TBC1D12: variants seen among roughly 807,000 people sequenced by gnomAD.
TBC1D12 encodes TBC1 domain family member 12.
In TBC1D12, 56 loss-of-function variants were observed where a neutral mutation model predicts 86.7. That is an observed-to-expected ratio of 0.65 (90% CI 0.52 to 0.81). The LOEUF is 0.81. Among genes scored for constraint, TBC1D12 ranks in the 30% least tolerant of loss-of-function variants. TBC1D12 has a pLI of 0.00. For missense variants in TBC1D12, 1,023 were observed against 1,038.8 expected (o/e 0.98, Z 0.21); for synonymous variants, 421 against 411.7 (o/e 1.02, Z -0.27).
intron 1 of TBC1D12, among the ~76,000 whole-genome samples, chr10:94,422,092 T>G (rs1412631782): frequency 6.6e-6 from 1 of 151,824 alleles, no homozygotes; most frequent in Non-Finnish European, 1.5e-5. Flanking sequence ...ATAGGGGAAA[T>G]AAGATGTGTA....
At chr10:94,514,714 G>A (rs1356828285) in intron 9 of TBC1D12, among the ~76,000 whole-genome samples, 1 of 152,118 alleles carries the variant, frequency 6.6e-6, no homozygotes, top group Non-Finnish European at 1.5e-5. Context: ...TTTGAGTAGT[G>A]CTGTAATGAA....
At chr10:94,523,835 C>T (rs1293867175) in intron 11 of TBC1D12, among the ~76,000 whole-genome samples, 2 of 152,038 alleles carry the variant, frequency 1.3e-5, no homozygotes, top group East Asian at 3.9e-4. Context: ...CAGACATAGT[C>T]GTGCATTCCT....
At position 94,402,842 on chromosome 10, in the gene TBC1D12, G is replaced by T; in HGVS notation, c.229G>T (p.Ala77Ser). The T allele has an allele frequency of 2.6e-6, 4 of 1,536,512 alleles. No homozygotes were observed. The highest frequency in any genetic ancestry group is 3.5e-6 in the Non-Finnish European group (4 of 1,141,964). ...GCTCCTTCAGCGTTACCTCGCGGCG[G>T]CCGGGGAGCAGCTGGAGCCGGGGCT... ...RQLLQRYLAA[A>S]GEQLEPGLCY... Residue 77 changes from alanine (A) to serine (S), a missense_variant, in exon 1 of 13, where the codon GCC (alanine) becomes TCC (serine). By Grantham distance (99) the Ala-to-Ser change is moderately conservative. Coordinates refer to ENST00000225235, the MANE Select transcript of TBC1D12 (RefSeq NM_015188.2).
intron 3 of TBC1D12, among the ~76,000 whole-genome samples, chr10:94,487,701 T>C (rs2056187658): frequency 6.8e-6 from 1 of 147,690 alleles, no homozygotes; most frequent in Admixed American, 6.7e-5. Flanking sequence ...TCTCTTTTTT[T>C]TTTTTTTTTT....
At chr10:94,471,449 A>G (rs1002971954) in intron 2 of TBC1D12, among the ~76,000 whole-genome samples, 14 of 152,164 alleles carry the variant, frequency 9.2e-5, no homozygotes, top group Admixed American at 3.9e-4. Flanking sequence ...CATTTTGTTC[A>G]TGATTAAGTC....
intron 2 of TBC1D12, among the ~76,000 whole-genome samples, chr10:94,464,309 CTT>C (rs751139079): frequency 6.6e-6 from 1 of 151,560 alleles, no homozygotes; most frequent in Admixed American, 6.6e-5. Flanking sequence ...TGGTCTTTCA[CTT>C]TTTTTTTCTC....
At chr10:94,447,488 T>C (rs1207345379) in intron 2 of TBC1D12, 1 of 384,908 alleles carries the variant, frequency 2.6e-6, no homozygotes, top group Non-Finnish European at 3.6e-6. Context: ...TTTAGTGCTT[T>C]CCATGTTAAC....
chr10:94,490,681 GAA>G (rs1486623093), intron 3 of TBC1D12, among the ~76,000 whole-genome samples: 3 of 152,088 alleles, frequency 2.0e-5, no homozygotes. Context: ...CAGTTTTTTG[GAA>G]ATGGTTTGAT....
chr10:94,480,718 A>G (rs1429565928), intron 3 of TBC1D12, among the ~76,000 whole-genome samples: 1 of 150,424 alleles, frequency 6.6e-6, no homozygotes, highest in East Asian at 1.9e-4. Context: ...GTTTATATAT[A>G]TATATAAAAT....
chr10:94,491,428 A>G (rs2134173729), intron 3 of TBC1D12, among the ~76,000 whole-genome samples: 1 of 152,340 alleles, frequency 6.6e-6, no homozygotes, highest in East Asian at 1.9e-4. Flanking sequence ...ATAATATACC[A>G]GTGTATTTCT....
intron 1 of TBC1D12, among the ~76,000 whole-genome samples, chr10:94,414,712 A>G (rs1303313482): frequency 6.7e-6 from 1 of 148,232 alleles, no homozygotes; most frequent in Non-Finnish European, 1.5e-5. Flanking sequence ...CGATTCTCCC[A>G]TCTCAGCCTC....
chr10:94,442,828 A>G (rs1197611314), intron 2 of TBC1D12, among the ~76,000 whole-genome samples: 1 of 152,242 alleles, frequency 6.6e-6, no homozygotes, highest in East Asian at 1.9e-4. Context: ...AAATTGGAAA[A>G]GATATCTTCC....
chr10:94,495,667 C>T (rs1012228294), intron 4 of TBC1D12, among the ~76,000 whole-genome samples: 4 of 151,914 alleles, frequency 2.6e-5, no homozygotes, highest in African/African-American at 9.7e-5. Context: ...TTTTCTCATG[C>T]GTAACATGTG....
rs371003755 is a variant in TBC1D12, at chr10:94,507,327, G to A, written c.1580G>A (p.Ser527Asn). 2.4e-5 allele frequency: 39 copies of A among 1,607,106 alleles called. No homozygotes were observed. The highest frequency in any genetic ancestry group is 1.6e-4 in the Middle Eastern group (1 of 6,066). ...CGGTGGAAAAGTTTCAGTGAAACAA[G>A]TTCAGAGAATGATACAGAAGGTGTG... ...KERWKSFSETSSENDTEGVSV... is the reference protein window; with the variant it reads ...KERWKSFSETNSENDTEGVSV... Residue 527 changes from serine (S) to asparagine (N), a missense_variant, in exon 7 of 13, where the codon AGT becomes AAT. Transcript: ENST00000225235.
At chr10:94,443,081 A>G (rs1185713825) in intron 2 of TBC1D12, among the ~76,000 whole-genome samples, 2 of 152,164 alleles carry the variant, frequency 1.3e-5, no homozygotes, top group African/African-American at 4.8e-5. Flanking sequence ...ACAGCTGTCA[A>G]AAGCACTAGC....
rs1416224248 is a variant in TBC1D12 at position 94,484,443 on chromosome 10, T to C, written c.1212-8922T>C. Among the ~76,000 whole-genome samples, 4 of 152,038 alleles carry C rather than the reference T, an allele frequency of 2.6e-5. 1 individual carries two copies. Among genetic ancestry groups the C allele is most frequent in the Non-Finnish European group, 5.9e-5 (4 of 67,994 alleles). On this transcript the variant is annotated intron_variant, in intron 3 of 12. Transcript: ENST00000225235. ...TTAGTAGAGACGGGGTTTCTCCATGTTGGTCAGGGTGGTCTTGAACTCCCA... is the reference window on the plus strand; with the variant it reads ...TTAGTAGAGACGGGGTTTCTCCATGCTGGTCAGGGTGGTCTTGAACTCCCA...
intron 4 of TBC1D12, among the ~76,000 whole-genome samples, chr10:94,495,612 T>C (rs952848794): frequency 1.3e-5 from 2 of 152,236 alleles, no homozygotes; most frequent in Non-Finnish European, 2.9e-5. Context: ...TTTAACCTTG[T>C]TTGATACTAC....
intron 6 of TBC1D12, among the ~76,000 whole-genome samples, chr10:94,502,400 A>G (rs1453677218): frequency 1.3e-5 from 2 of 151,522 alleles, no homozygotes; most frequent in Non-Finnish European, 2.9e-5. Context: ...AATATCAAAT[A>G]GAGGAAAGTA....
At chr10:94,405,557 A>G (rs944248371) in intron 1 of TBC1D12, among the ~76,000 whole-genome samples, 2 of 152,114 alleles carry the variant, frequency 1.3e-5, no homozygotes, top group Admixed American at 6.5e-5. Context: ...AATTTGTGAC[A>G]CTGTGTGGCC....
Sources: allele counts gnomAD v4.1 joint callset (sites outside exome capture counted in the v4.1 genomes callset), GRCh38; gene constraint gnomAD v4.1.1; transcripts MANE v1.5; gene names NCBI Gene and HGNC (gene_info 2026-07-23, HGNC 2026-07-21).